Variants in GRIN2B observed in about 807,000 individuals in gnomAD.
GRIN2B encodes glutamate receptor ionotropic, NMDA 2B.
In GRIN2B, 5 loss-of-function variants were observed where a neutral mutation model predicts 114.5. That is an observed-to-expected ratio of 0.04 (90% CI 0.02 to 0.09). GRIN2B has a LOEUF of 0.09. Ranked by LOEUF, GRIN2B falls within the 10% of genes least tolerant of loss-of-function variation. The pLI, the probability that GRIN2B is intolerant of heterozygous loss-of-function variation, is 1.00. For missense variants in GRIN2B, 1,108 were observed against 1,943.5 expected (o/e 0.57, Z 8.08); for synonymous variants, 787 against 745.1 (o/e 1.06, Z -0.92).
intron 3 of GRIN2B, among the ~76,000 whole-genome samples, chr12:13,796,436 G>T (rs140454727): frequency 2.0e-4 from 30 of 152,264 alleles, no homozygotes; most frequent in African/African-American, 3.9e-4. Flanking sequence ...AATTGGGACC[G>T]CAAGGCACAG....
intron 3 of GRIN2B, among the ~76,000 whole-genome samples, chr12:13,764,784 G>T (rs571360329): frequency 2.0e-5 from 3 of 152,350 alleles, no homozygotes; most frequent in South Asian, 4.1e-4. Flanking sequence ...TGACAAGCAA[G>T]AAAGAGGTCC....
intron 5 of GRIN2B, among the ~76,000 whole-genome samples, chr12:13,653,363 G>A (rs184576239): frequency 6.6e-6 from 1 of 152,140 alleles, no homozygotes; most frequent in East Asian, 1.9e-4. Flanking sequence ...CATCTAAGTT[G>A]GGTTCAGGAG....
In GRIN2B at chr12:13,599,173, A is replaced by G. The variant is rs141970126; in HGVS notation, c.2010+9430T>C. ...AGAGTGTCAGCCACTTGGTCTTTAAATGGCTCTCTGTGACCCATGCTGGAC... is the reference window on the plus strand; with the variant it reads ...AGAGTGTCAGCCACTTGGTCTTTAAGTGGCTCTCTGTGACCCATGCTGGAC... On this transcript the variant is annotated intron_variant, in intron 10 of 13. Transcript: ENST00000609686. 1.7e-4 allele frequency among the ~76,000 whole-genome samples: 26 copies of G among 152,322 alleles called. No homozygotes were observed. The East Asian group carries it at 3.9e-3, about 23-fold the overall frequency.
chr12:13,666,357 A>G (rs1949975592), intron 5 of GRIN2B, among the ~76,000 whole-genome samples: 1 of 152,202 alleles, frequency 6.6e-6, no homozygotes, highest in African/African-American at 2.4e-5. Flanking sequence ...ACCTGGCCAC[A>G]GAAGAGAGAG....
chr12:13,834,020 CTTTTTTTTTT>C (rs71067731), intron 3 of GRIN2B, among the ~76,000 whole-genome samples: 7 of 72,588 alleles, frequency 9.6e-5, no homozygotes, highest in South Asian at 8.2e-4. Flanking sequence ...TTGCTAACTT[CTTTTTTTTTT>C]TTTTTTTTTT....
At chr12:13,810,394 G>A (rs1565546195) in intron 3 of GRIN2B, among the ~76,000 whole-genome samples, 1 of 151,784 alleles carries the variant, frequency 6.6e-6, no homozygotes, top group East Asian at 1.9e-4. Context: ...TTCCATCTGT[G>A]TCCTCTACTA....
chr12:13,620,118 C>A (rs746816730), intron 5 of GRIN2B, among the ~76,000 whole-genome samples: 2 of 152,164 alleles, frequency 1.3e-5, no homozygotes, highest in African/African-American at 2.4e-5. Flanking sequence ...CTCACAGAGA[C>A]CCTCATTTTG....
intron 2 of GRIN2B, among the ~76,000 whole-genome samples, chr12:13,902,822 A>C (rs1048339729): frequency 1.3e-5 from 2 of 152,168 alleles, no homozygotes; most frequent in Non-Finnish European, 2.9e-5. Context: ...AATAATAATA[A>C]AAATAATAAT....
intron 10 of GRIN2B, among the ~76,000 whole-genome samples, chr12:13,585,936 A>G (rs1948916805): frequency 6.6e-6 from 1 of 152,242 alleles, no homozygotes; most frequent in African/African-American, 2.4e-5. Context: ...TCCATGTCTC[A>G]GGCTTTTAGG....
Position 13,753,169 on chromosome 12 carries a change from C to G in GRIN2B, c.1010+148G>C. On this transcript the variant is annotated intron_variant, in intron 4 of 13. Transcript: ENST00000609686. The surrounding 1 kb of genome is among the most constrained non-coding windows in gnomAD (Gnocchi z 6.2). Reference sequence around the variant, plus strand: ...CAAGGTTGGATCCAAAACACTCCCCCAATCATGACCAATTGCCATGCCCAA... The same window carrying G: ...CAAGGTTGGATCCAAAACACTCCCCGAATCATGACCAATTGCCATGCCCAA... The G allele has an allele frequency of 1.3e-6, 1 of 749,784 alleles. No homozygotes were observed. The highest frequency in any genetic ancestry group is 2.4e-6 in the Non-Finnish European group (1 of 409,830). The allele number at this position is 749,784 out of a possible 1,614,324, so 46.4% of individuals were successfully genotyped here. A position where few individuals can be genotyped will look rare whatever the true frequency, so the allele number is the denominator to read the frequency against.
At chr12:13,592,792 G>A (rs375887868) in intron 10 of GRIN2B, among the ~76,000 whole-genome samples, 9 of 152,092 alleles carry the variant, frequency 5.9e-5, no homozygotes, top group African/African-American at 2.2e-4. Context: ...TGTTCTTTCG[G>A]TCTAAGTGAT....
chr12:13,734,424 G>A (rs1205745747), intron 4 of GRIN2B, among the ~76,000 whole-genome samples: 1 of 152,184 alleles, frequency 6.6e-6, no homozygotes, highest in Non-Finnish European at 1.5e-5. Context: ...TAAAGCCCGA[G>A]ACCATGGGAA....
chr12:13,643,158 A>G (rs1949735732), intron 5 of GRIN2B, among the ~76,000 whole-genome samples: 1 of 152,148 alleles, frequency 6.6e-6, no homozygotes. Flanking sequence ...GCTATTTTCT[A>G]AAGGATACTT....
At chr12:13,931,409 C>T (rs1356319095) in intron 2 of GRIN2B, among the ~76,000 whole-genome samples, 1 of 152,154 alleles carries the variant, frequency 6.6e-6, no homozygotes, top group Non-Finnish European at 1.5e-5. Flanking sequence ...ATCCTGGTTT[C>T]TTCCTACTTC....
chr12:13,698,362 T>C (rs1344056580), intron 4 of GRIN2B, among the ~76,000 whole-genome samples: 2 of 152,262 alleles, frequency 1.3e-5, no homozygotes, highest in Non-Finnish European at 2.9e-5. Context: ...TTTCTCAAAA[T>C]GTTCCTTTTG....
At chr12:13,938,452 T>A (rs2136832352) in intron 2 of GRIN2B, among the ~76,000 whole-genome samples, 1 of 152,320 alleles carries the variant, frequency 6.6e-6, no homozygotes, top group East Asian at 1.9e-4. Context: ...TGAATGTAAA[T>A]GTCCTTTGTA....
chr12:13,936,832 A>C (rs1273411268), intron 2 of GRIN2B, among the ~76,000 whole-genome samples: 1 of 152,082 alleles, frequency 6.6e-6, no homozygotes, highest in Non-Finnish European at 1.5e-5. Flanking sequence ...ATCTCAGTGG[A>C]AAAGCAGAAA....
chr12:13,851,799 A>C (rs979175949), intron 3 of GRIN2B, among the ~76,000 whole-genome samples: 1 of 152,356 alleles, frequency 6.6e-6, no homozygotes, highest in East Asian at 1.9e-4. Context: ...ATAAGCAATG[A>C]GAATACAGGA....
rs1200905643 is a variant in GRIN2B, at chr12:13,564,106, G to A, written c.3132C>T (p.Phe1044=). ...QLSDLYGKFS[F]KSDRYSGHDD... is the part of the protein sequence containing the mutation. ...CGTGGCCACTGTAGCGGTCGCTCTTGAAGGAGAATTTGCCGTACAGGTCAC... is the reference window on the plus strand; with the variant it reads ...CGTGGCCACTGTAGCGGTCGCTCTTAAAGGAGAATTTGCCGTACAGGTCAC... The change falls in exon 14 of 14, where the codon TTC becomes TTT. Residue 1044 remains phenylalanine, a synonymous_variant. Transcript: ENST00000609686. This position sits in a 1 kb window ranked among gnomAD's most constrained non-coding sequence, Gnocchi z 4.8. 2 of 1,614,190 alleles carry A rather than the reference G, an allele frequency of 1.2e-6. No homozygotes were observed. The highest frequency in any genetic ancestry group is 1.7e-6 in the Non-Finnish European group (2 of 1,180,032).
Sources: gnomAD v4.1 joint callset for allele counts (sites outside exome capture counted in the v4.1 genomes callset) on GRCh38, gnomAD v4.1.1 for gene constraint, Gnocchi (gnomAD v3.1) non-coding constraint, MANE v1.5 for transcripts, NCBI Gene and HGNC (gene_info 2026-07-23, HGNC 2026-07-21) for gene names.